Variants in APOC3 observed in about 807,000 individuals in gnomAD.
APOC3 encodes apolipoprotein C-III.
APOC3 carries 6 observed loss-of-function variants against 7.3 expected under a neutral mutation model. The observed-to-expected ratio is 0.82, with a 90% confidence interval of 0.45 to 1.61. The LOEUF is 1.61. Ranked by LOEUF, APOC3 falls within the 40% of genes most tolerant of loss-of-function variation. The pLI is 0.01. For missense variants in APOC3, 123 were observed against 124.9 expected, an observed-to-expected ratio of 0.98 and a Z score of 0.07; for synonymous variants, 45 against 51.2, an observed-to-expected ratio of 0.88 and a Z score of 0.52.
At position 116,832,975 on chromosome 11, in the gene APOC3, A is replaced by G; in HGVS notation, c.*91A>G. The G allele has an allele frequency of 6.3e-7, 1 of 1,577,246 alleles. No homozygotes were observed. Among genetic ancestry groups the G allele is most frequent in the Admixed American group, 1.7e-5 (1 of 59,526 alleles). ...GGGCTGCCCCTGTAGGTTGCTTAAA[A>G]GGGACAGTATTCTCAGTGCTCTCCT... On this transcript the variant is annotated 3_prime_UTR_variant, in exon 4 of 4. Coordinates refer to ENST00000227667, the MANE Select transcript of APOC3 (RefSeq NM_000040.3).
rs12721095 is a variant in APOC3, at chr11:116,830,508, C to T, written c.-13-62C>T. 3.6e-3 allele frequency: 5,707 copies of T among 1,589,308 alleles called. 184 individuals carry two copies. The African/African-American group carries it at 0.063, about 18-fold the overall frequency. ...TCTACCTTAGGGGCCACGCCACCTCCCCAGGGAGGGGTCCAGAGGCATGGG... is the reference window on the plus strand; with the variant it reads ...TCTACCTTAGGGGCCACGCCACCTCTCCAGGGAGGGGTCCAGAGGCATGGG... On this transcript the variant is annotated intron_variant, in intron 1 of 3. Transcript: ENST00000227667.
intron 3 of APOC3, among the ~76,000 whole-genome samples, chr11:116,831,667 A>G (rs1162812115): frequency 6.6e-6 from 1 of 151,844 alleles, no homozygotes; most frequent in Admixed American, 6.6e-5. Flanking sequence ...GCCTGGCCCC[A>G]TTTTCCTTTT....
intron 3 of APOC3, among the ~76,000 whole-genome samples, chr11:116,831,913 C>T (rs917372228): frequency 4.6e-5 from 7 of 152,196 alleles, no homozygotes; most frequent in South Asian, 2.1e-4. Context: ...TGACAGGAGG[C>T]GGAGCTCAGG....
intron 3 of APOC3, chr11:116,831,169 T>C (rs1056170145): frequency 1.9e-5 from 6 of 322,900 alleles, no homozygotes; most frequent in Non-Finnish European, 3.4e-5. Context: ...TTCCTTTCCT[T>C]TCCCTTTCTT....
At chr11:116,831,138 G>C in intron 3 of APOC3, 1 of 467,184 alleles carries the variant, frequency 2.1e-6, no homozygotes, top group Non-Finnish European at 3.8e-6. Flanking sequence ...AGGGCGTGCC[G>C]TTTTAGCCCT....
chr11:116,831,209 CTTTCT>C (rs1941447973), intron 3 of APOC3: 1 of 132,888 alleles, frequency 7.5e-6, no homozygotes, highest in Non-Finnish European at 1.5e-5. Flanking sequence ...TTCTTTCTTT[CTTTCT>C]TTCTTTCTTT....
intron 3 of APOC3, among the ~76,000 whole-genome samples, chr11:116,831,261 TCTTTCTTTC>T: frequency 1.6e-5 from 1 of 61,070 alleles, no homozygotes; most frequent in Non-Finnish European, 3.4e-5. Flanking sequence ...TTCTTTCCTT[TCTTTCTTTC>T]CTTTCTTTCT....
chr11:116,830,993 C>CTCCA lies in APOC3; in HGVS notation c.179+98_179+101dup, dbSNP rs1360239368. ...AGATCCCAACAATGGAATGGAGGTG[C>CTCCA]TCCAGCCTCCCCTGGGCCTGTGCCT... On this transcript the variant is annotated intron_variant, in intron 3 of 3. Coordinates refer to ENST00000227667, the MANE Select transcript of APOC3 (RefSeq NM_000040.3). 1.2e-4 allele frequency: 174 copies of CTCCA among 1,427,862 alleles called. No homozygotes were observed. In the East Asian group the frequency reaches 4.2e-3, roughly 35 times the overall value. The allele number at this position is 1,427,862 out of a possible 1,614,324, so 88.4% of individuals were successfully genotyped here. A position where few individuals can be genotyped will look rare whatever the true frequency, so the allele number is the denominator to read the frequency against.
intron 2 of APOC3, 68 bp downstream of exon 2, chr11:116,830,705 T>G: frequency 6.2e-7 from 1 of 1,612,810 alleles, no homozygotes; most frequent in Non-Finnish European, 8.5e-7. Context: ...TCCCAATGGG[T>G]GGTCAAGCAG....
At chr11:116,830,686 G>A (rs1200185965) in intron 2 of APOC3, 49 bp downstream of exon 2, 1 of 1,613,224 alleles carries the variant, frequency 6.2e-7, no homozygotes, top group Non-Finnish European at 8.5e-7. Context: ...GGCAACTTGG[G>A]GATCCCAGTC....
intron 3 of APOC3, chr11:116,831,199 T>TTCTTTCTTTCTTTC (rs1565336383): frequency 1.5e-4 from 11 of 72,018 alleles, no homozygotes; most frequent in African/African-American, 4.2e-4. Context: ...ATTTCTTTCT[T>TTCTTTCTTTCTTTC]TCTTTCTTTC....
At chr11:116,831,275 CTTTCTTTCCTTTCT>C (rs1941454694) in intron 3 of APOC3, among the ~76,000 whole-genome samples, 2 of 71,464 alleles carry the variant, frequency 2.8e-5, no homozygotes, top group African/African-American at 5.3e-5. Context: ...TCTTTCCTTT[CTTTCTTTCCTTTCT>C]TTCTTTCTTT....
chr11:116,832,915 C>T lies in APOC3; in HGVS notation c.*31C>T, dbSNP rs1315935892. The T allele has an allele frequency of 1.2e-6, 2 of 1,613,460 alleles. No individual in the cohort carries two copies. The highest frequency in any genetic ancestry group is 1.7e-6 in the Non-Finnish European group (2 of 1,179,976). On this transcript the variant is annotated 3_prime_UTR_variant, in exon 4 of 4. Transcript: ENST00000227667. ...CAATACCCCAAGTCCACCTGCCTAT[C>T]CATCCTGCGAGCTCCTTGGGTCCTG...
intron 3 of APOC3, 85 bp from the exon 4 acceptor site, chr11:116,832,679 C>A: frequency 1.3e-6 from 2 of 1,599,402 alleles, no homozygotes; most frequent in East Asian, 4.5e-5. Context: ...CTGGTGTCGT[C>A]CAGTGGGGAC....
chr11:116,830,723 G>C (rs1941436906), intron 2 of APOC3, 50 bp from the exon 3 acceptor site: 1 of 1,613,206 alleles, frequency 6.2e-7, no homozygotes, highest in African/African-American at 1.3e-5. Context: ...CAGGAGCCCA[G>C]GGCTCGTCCA....
chr11:116,830,620 C>T lies in APOC3; in HGVS notation c.38C>T (p.Ala13Val), dbSNP rs772815802. 2.7e-5 allele frequency: 43 copies of T among 1,613,822 alleles called. No individual in the cohort carries two copies. Among genetic ancestry groups the T allele is most frequent in the Middle Eastern group, 3.3e-4 (2 of 6,084 alleles). The change falls in exon 2 of 4, where the codon GCG (alanine) becomes GTG (valine). Residue 13 changes from alanine (A) to valine (V), a missense_variant. Transcript: ENST00000227667. Reference protein sequence around the residue: ...PRVLLVVALLALLASARASEA... With the variant: ...PRVLLVVALLVLLASARASEA... ...GTACTCCTTGTTGTTGCCCTCCTGG[C>T]GCTCCTGGCCTCTGCCCGTAAGCAC...
rs745586339 is a variant in APOC3 at position 116,832,910 on chromosome 11, C to T, written c.*26C>T. 2.5e-5 allele frequency: 41 copies of T among 1,613,388 alleles called. No individual in the cohort carries two copies. The highest frequency in any genetic ancestry group is 3.2e-5 in the Non-Finnish European group (38 of 1,180,004). ...GACCTCAATACCCCAAGTCCACCTG[C>T]CTATCCATCCTGCGAGCTCCTTGGG... On this transcript the variant is annotated 3_prime_UTR_variant, in exon 4 of 4. Transcript: ENST00000227667.
intron 3 of APOC3, chr11:116,831,216 T>C (rs1941448338): frequency 5.9e-6 from 1 of 168,174 alleles, no homozygotes. Context: ...TTTCTTTCTT[T>C]CTTTCTTTCT....
At chr11:116,831,226 T>TAC (rs1941449459) in intron 3 of APOC3, 1 of 196,474 alleles carries the variant, frequency 5.1e-6, no homozygotes, top group African/African-American at 3.3e-5. Context: ...TCTTTCTTTC[T>TAC]TTCTTTCTTT....
Sources: allele counts gnomAD v4.1 joint callset (sites outside exome capture counted in the v4.1 genomes callset), GRCh38; gene constraint gnomAD v4.1.1; transcripts MANE v1.5; gene names NCBI Gene and HGNC (gene_info 2026-07-23, HGNC 2026-07-21).